The following HSF2BP variants were observed in gnomAD, a reference collection of about 807,000 sequenced individuals.
HSF2BP encodes heat shock factor 2-binding protein.
Under a neutral mutation model 35.0 loss-of-function variants are expected in HSF2BP, and 35 were observed. The ratio of observed to expected loss-of-function variants is 1.00; its 90% CI spans 0.76 to 1.32. The LOEUF is 1.32. Ranked by LOEUF, HSF2BP falls within the 40% of genes most tolerant of loss-of-function variation. The pLI is 0.00. For missense variants in HSF2BP, 326 were observed against 321.7 expected, an observed-to-expected ratio of 1.01 and a Z score of -0.10; for synonymous variants, 114 against 117.4, an observed-to-expected ratio of 0.97 and a Z score of 0.18.
At chr21:43,620,087 A>G (rs941695616) in intron 6 of HSF2BP, among the ~76,000 whole-genome samples, 1 of 152,246 alleles carries the variant, frequency 6.6e-6, no homozygotes, top group South Asian at 2.1e-4. Context: ...TTCAACAAGT[A>G]AATTACAAAG....
At position 43,656,686 on chromosome 21, in the gene HSF2BP, G is replaced by A. The variant is rs759884400; in HGVS notation, c.88C>T (p.Arg30Trp). ...FVKVRKKDLE[R>W]LTTEVMQIRD... ...ATTTGCATCACTTCAGTTGTCAGCCGTTCCAGATCCTTCTTTCTGACTTTA... is the reference window on the plus strand; with the variant it reads ...ATTTGCATCACTTCAGTTGTCAGCCATTCCAGATCCTTCTTTCTGACTTTA... The change falls in exon 3 of 9, where the codon CGG (arginine) becomes TGG (tryptophan). Residue 30 changes from arginine to tryptophan, a missense_variant. Coordinates refer to ENST00000291560, the MANE Select transcript of HSF2BP (RefSeq NM_007031.2). 1.7e-5 allele frequency: 27 copies of A among 1,613,644 alleles called. No individual in the cohort carries two copies. Among genetic ancestry groups the A allele is most frequent in the African/African-American group, 9.4e-5 (7 of 74,866 alleles).
At chr21:43,628,176 A>G (rs1309926328) in intron 6 of HSF2BP, among the ~76,000 whole-genome samples, 1 of 152,226 alleles carries the variant, frequency 6.6e-6, no homozygotes, top group Non-Finnish European at 1.5e-5. Flanking sequence ...ACATATCTGA[A>G]AGCAAAAGCT....
the HSF2BP span, among the ~76,000 whole-genome samples, chr21:43,467,944 CCA>C: frequency 2.5e-4 from 24 of 95,964 alleles, no homozygotes; most frequent in African/African-American, 7.1e-4. Context: ...CACACACACA[CCA>C]CACACACCAC....
intron 6 of HSF2BP, among the ~76,000 whole-genome samples, chr21:43,619,082 G>T (rs918042390): frequency 6.6e-6 from 1 of 152,186 alleles, no homozygotes; most frequent in Middle Eastern, 3.4e-3. Flanking sequence ...TGAGTAGCTG[G>T]GACTACAGGC....
intron 8 of HSF2BP, among the ~76,000 whole-genome samples, chr21:43,575,720 T>C (rs1810573897): frequency 6.6e-6 from 1 of 152,170 alleles, no homozygotes; most frequent in Non-Finnish European, 1.5e-5. Context: ...CACTATAGAC[T>C]AAAAAACTCC....
intron 7 of HSF2BP, among the ~76,000 whole-genome samples, chr21:43,606,401 G>A (rs1196489110): frequency 6.6e-6 from 1 of 152,214 alleles, no homozygotes; most frequent in African/African-American, 2.4e-5. Flanking sequence ...CTGGAGGGAG[G>A]GGAGGCCATG....
intron 8 of HSF2BP, among the ~76,000 whole-genome samples, chr21:43,576,118 CAAAA>C (rs34954288): frequency 6.1e-5 from 7 of 114,792 alleles, no homozygotes; most frequent in Admixed American, 8.6e-5. Flanking sequence ...ATTTTGTCTC[CAAAA>C]AAAAAAAAAA....
At chr21:43,599,761 T>G (rs1205798506) in intron 7 of HSF2BP, among the ~76,000 whole-genome samples, 1 of 148,886 alleles carries the variant, frequency 6.7e-6, no homozygotes, top group African/African-American at 2.5e-5. Context: ...ACCACTGTAC[T>G]ACAGCCTGGG....
intron 7 of HSF2BP, among the ~76,000 whole-genome samples, chr21:43,609,237 C>T (rs558327292): frequency 4.6e-5 from 7 of 152,102 alleles, no homozygotes; most frequent in Admixed American, 2.0e-4. Flanking sequence ...CCTTGGTATA[C>T]GCGGACATAA....
At chr21:43,609,362 G>A (rs1338998096) in intron 7 of HSF2BP, among the ~76,000 whole-genome samples, 1 of 152,136 alleles carries the variant, frequency 6.6e-6, no homozygotes, top group Non-Finnish European at 1.5e-5. Flanking sequence ...AGATTCAACA[G>A]AAGCCCAAAC....
chr21:43,468,072 A>AACCACACACAACACACCACAT, the HSF2BP span, among the ~76,000 whole-genome samples: 16 of 118,026 alleles, frequency 1.4e-4, no homozygotes, highest in Non-Finnish European at 2.8e-4. Context: ...CCATACCACA[A>AACCACACACAACACACCACAT]ACCACACACA....
intron 7 of HSF2BP, among the ~76,000 whole-genome samples, chr21:43,602,096 C>A (rs2082059352): frequency 6.6e-6 from 1 of 152,200 alleles, no homozygotes; most frequent in African/African-American, 2.4e-5. Flanking sequence ...ACTCATCATG[C>A]AACATTTACT....
rs1471437827 is a variant in HSF2BP at position 43,632,201 on chromosome 21, A to C, written c.441+1071T>G. On this transcript the variant is annotated intron_variant, in intron 5 of 8. Coordinates refer to ENST00000291560, the MANE Select transcript of HSF2BP (RefSeq NM_007031.2). Reference sequence around the variant, plus strand: ...CCCCCACACACACACATGCTCCCCCACACAAACACACATACGATCCCACAT... The same window carrying C: ...CCCCCACACACACACATGCTCCCCCCCACAAACACACATACGATCCCACAT... 4.9e-3 allele frequency among the ~76,000 whole-genome samples: 478 copies of C among 97,370 alleles called. 22 individuals are homozygous for C. Among genetic ancestry groups the C allele is most frequent in the African/African-American group, 0.023 (443 of 19,248 alleles). The allele number at this position is 97,370 out of a possible 152,430, so 63.9% of individuals were successfully genotyped here.
At chr21:43,611,231 G>A (rs2082200464) in intron 7 of HSF2BP, among the ~76,000 whole-genome samples, 1 of 151,996 alleles carries the variant, frequency 6.6e-6, no homozygotes, top group Non-Finnish European at 1.5e-5. Flanking sequence ...GGGTTACAAA[G>A]CAAGACTCTG....
intron 4 of HSF2BP, among the ~76,000 whole-genome samples, chr21:43,635,728 C>T (rs758942411): frequency 1.3e-5 from 2 of 151,972 alleles, no homozygotes; most frequent in African/African-American, 4.8e-5. Context: ...ACTAGCCTGA[C>T]CAACATGGTA....
rs1265191986 is a variant in HSF2BP at position 43,644,495 on chromosome 21, C to T, written c.188-103G>A. The T allele has an allele frequency of 5.0e-6, 4 of 800,490 alleles. No homozygotes were observed. In the African/African-American group the frequency reaches 6.8e-5, roughly 14 times the overall value. The allele number at this position is 800,490 out of a possible 1,614,324, so 49.6% of individuals were successfully genotyped here. A position where few individuals can be genotyped will look rare whatever the true frequency, so the allele number is the denominator to read the frequency against. ...GACTTAGTAAAATGTGTACTGATTTCTTAGGTGAGAATATTTGCATTTCTT... is the reference window on the plus strand; with the variant it reads ...GACTTAGTAAAATGTGTACTGATTTTTTAGGTGAGAATATTTGCATTTCTT... On this transcript the variant is annotated intron_variant, in intron 3 of 8. Transcript: ENST00000291560.
At chr21:43,614,344 C>A (rs1316218092) in intron 6 of HSF2BP, among the ~76,000 whole-genome samples, 5 of 139,738 alleles carry the variant, frequency 3.6e-5, no homozygotes, top group Non-Finnish European at 6.1e-5. Flanking sequence ...GCCTGGGTGA[C>A]AGAGCAAAGC....
At chr21:43,623,952 T>C (rs1449947762) in intron 6 of HSF2BP, among the ~76,000 whole-genome samples, 1 of 151,952 alleles carries the variant, frequency 6.6e-6, no homozygotes, top group East Asian at 1.9e-4. Context: ...AACAAATGGG[T>C]GCTCAAAGAA....
intron 7 of HSF2BP, among the ~76,000 whole-genome samples, chr21:43,613,459 G>T (rs921996262): frequency 6.6e-6 from 1 of 152,186 alleles, no homozygotes; most frequent in Non-Finnish European, 1.5e-5. Context: ...GCCAAACTAT[G>T]AAATAATAAA....
Sources: allele counts gnomAD v4.1 joint callset (sites outside exome capture counted in the v4.1 genomes callset), GRCh38; gene constraint gnomAD v4.1.1; transcripts MANE v1.5; gene names NCBI Gene and HGNC (gene_info 2026-07-23, HGNC 2026-07-21).